CUBN: variants seen among roughly 807,000 people sequenced by gnomAD.
CUBN encodes the protein 460 kDa receptor.
A neutral mutation model predicts 405.3 loss-of-function variants in CUBN; 282 were observed. The observed-to-expected ratio is 0.70, with a 90% CI of 0.63 to 0.77. The LOEUF (loss-of-function observed/expected upper bound fraction) is 0.77. CUBN is among the 30% of genes least tolerant of loss of function. CUBN has a pLI of 0.00. For synonymous variants in CUBN, 1,684 were observed against 1,617.0 expected, an observed-to-expected ratio of 1.04 and a Z score of -0.99; for missense variants, 4,514 against 4,475.2, an observed-to-expected ratio of 1.01 and a Z score of -0.25.
At chr10:17,082,972 C>A (rs1588630722) in intron 17 of CUBN, among the ~76,000 whole-genome samples, 1 of 151,888 alleles carries the variant, frequency 6.6e-6, no homozygotes, top group African/African-American at 2.4e-5. Context: ...ATTTGTTATA[C>A]TATTTTAAAG....
At chr10:16,987,177 A>G (rs759179517) in intron 29 of CUBN, among the ~76,000 whole-genome samples, 7 of 152,246 alleles carry the variant, frequency 4.6e-5, no homozygotes, top group Non-Finnish European at 1.0e-4. Context: ...TCAGAGATTA[A>G]AGTAAAATCA....
chr10:17,123,484 G>A (rs1470026227), intron 5 of CUBN, 104 bp downstream of exon 5: 5 of 921,682 alleles, frequency 5.4e-6, no homozygotes, highest in Non-Finnish European at 7.0e-6. Context: ...GGAGGCCACA[G>A]AATCCTAGAA....
At chr10:16,967,897 G>GAGAGAGAGAAGGAGAGAC (rs1242419894) in intron 31 of CUBN, among the ~76,000 whole-genome samples, 1 of 150,622 alleles carries the variant, frequency 6.6e-6, no homozygotes, top group Non-Finnish European at 1.5e-5. Context: ...GAGAGACAGA[G>GAGAGAGAGAAGGAGAGAC]GGAGAGAGAG....
chr10:17,105,070 G>C (rs1273852689), intron 11 of CUBN, among the ~76,000 whole-genome samples: 1 of 151,766 alleles, frequency 6.6e-6, no homozygotes. Flanking sequence ...CAAAGTGTTG[G>C]GATTACAGGC....
intron 31 of CUBN, among the ~76,000 whole-genome samples, chr10:16,975,624 CTTTTTTTTTTTT>C (rs199779818): frequency 0.15 from 18,371 of 125,024 alleles, 1,433 homozygotes; most frequent in South Asian, 0.18. Flanking sequence ...TAAAGACCTT[CTTTTTTTTTTTT>C]TTTTTTTTTT....
chr10:16,995,823 A>G (rs1394919296), intron 28 of CUBN, among the ~76,000 whole-genome samples: 2 of 152,190 alleles, frequency 1.3e-5, no homozygotes, highest in African/African-American at 4.8e-5. Context: ...AAGTGCTTTT[A>G]TTTTATTTGA....
intron 39 of CUBN, among the ~76,000 whole-genome samples, chr10:16,935,374 A>AGGG (rs1286020994): frequency 1.8e-4 from 28 of 151,956 alleles, no homozygotes; most frequent in African/African-American, 6.0e-4. Flanking sequence ...GCTGGTCTCA[A>AGGG]ACTCCTGGGC....
chr10:17,053,182 G>T (rs1211637056), intron 22 of CUBN, among the ~76,000 whole-genome samples: 1 of 151,842 alleles, frequency 6.6e-6, no homozygotes, highest in African/African-American at 2.4e-5. Context: ...AAAAAGAGAT[G>T]AATGGAAAAC....
chr10:17,051,387 T>C (rs1247608868), intron 22 of CUBN, among the ~76,000 whole-genome samples: 5 of 151,100 alleles, frequency 3.3e-5, no homozygotes, highest in Non-Finnish European at 1.5e-5. Flanking sequence ...AATGAGAAAA[T>C]ATGAATCAAA....
chr10:16,947,050 C>T (rs962823158), intron 36 of CUBN, among the ~76,000 whole-genome samples, 185 bp downstream of exon 36: 3 of 152,238 alleles, frequency 2.0e-5, no homozygotes, highest in East Asian at 1.9e-4. Context: ...AGACAGGACC[C>T]AAGAACCATG....
chr10:17,017,192 A>T (rs982812250), intron 28 of CUBN, among the ~76,000 whole-genome samples: 4 of 152,056 alleles, frequency 2.6e-5, no homozygotes, highest in Non-Finnish European at 4.4e-5. Flanking sequence ...AGAACCCGCA[A>T]CAGTCCCTGG....
At chr10:17,071,676 T>C (rs1835743664) in intron 18 of CUBN, 72 bp from the exon 19 acceptor site, 1 of 1,517,840 alleles carries the variant, frequency 6.6e-7, no homozygotes. Context: ...TTGCAAAATC[T>C]AATACTGCCT....
At chr10:17,109,453 C>T (rs1385125241) in intron 10 of CUBN, among the ~76,000 whole-genome samples, 187 bp downstream of exon 10, 1 of 152,114 alleles carries the variant, frequency 6.6e-6, no homozygotes, top group Non-Finnish European at 1.5e-5. Context: ...CAGAGCAGAC[C>T]ATTAAAGAGC....
chr10:16,877,209 A>T lies in CUBN; in HGVS notation c.8906-112T>A. The T allele has an allele frequency of 5.4e-6, 5 of 920,126 alleles. No homozygotes were observed. The South Asian group carries it at 7.1e-5, about 13-fold the overall frequency. 57.0% of individuals were successfully genotyped at this position (920,126 alleles called of 1,614,324 possible). The stretch of plus-strand genomic sequence containing the variant: ...GACTCATGCAATTGCTATAAAAATT[A>T]AAATGAGAAACGAGATATTTAACTT... On this transcript the variant is annotated intron_variant, in intron 56 of 66. Coordinates refer to ENST00000377833, the MANE Select transcript of CUBN (RefSeq NM_001081.4).
chr10:16,855,920 T>C (rs1246945666), intron 59 of CUBN, among the ~76,000 whole-genome samples: 1 of 152,206 alleles, frequency 6.6e-6, no homozygotes, highest in Non-Finnish European at 1.5e-5. Flanking sequence ...TGCTTAAATA[T>C]AGCAAAACTG....
chr10:16,900,991 CT>C (rs1338319771), intron 52 of CUBN, 141 bp from the exon 53 acceptor site: 14 of 729,078 alleles, frequency 1.9e-5, no homozygotes, highest in Non-Finnish European at 2.7e-5. Context: ...TTCCCCTCTA[CT>C]TTTTTTTCCT....
intron 51 of CUBN, among the ~76,000 whole-genome samples, chr10:16,902,678 C>T (rs1378352802): frequency 6.6e-6 from 1 of 152,098 alleles, no homozygotes; most frequent in African/African-American, 2.4e-5. Context: ...ATAACTAAAA[C>T]ATATTTTGAT....
intron 34 of CUBN, among the ~76,000 whole-genome samples, chr10:16,949,434 GGTGTGTGT>G (rs59878960): frequency 9.2e-6 from 1 of 108,788 alleles, no homozygotes; most frequent in African/African-American, 3.5e-5. Context: ...TAAATGGCCT[GGTGTGTGT>G]GTGTGTGTGT....
At chr10:16,948,252 T>C (rs1842836976) in intron 35 of CUBN, among the ~76,000 whole-genome samples, 1 of 152,192 alleles carries the variant, frequency 6.6e-6, no homozygotes, top group African/African-American at 2.4e-5. Context: ...GCATGGCATG[T>C]AGCTGAAAAG....
Sources: allele counts gnomAD v4.1 joint callset (sites outside exome capture counted in the v4.1 genomes callset), GRCh38; gene constraint gnomAD v4.1.1; transcripts MANE v1.5; gene names NCBI Gene and HGNC (gene_info 2026-07-23, HGNC 2026-07-21).